The following TMEM154 variants were observed in gnomAD, a reference collection of about 807,000 sequenced individuals.
TMEM154 encodes the protein transmembrane protein 154.
A neutral mutation model predicts 24.5 loss-of-function variants in TMEM154; 27 were observed. That is an observed-to-expected ratio of 1.10 (90% CI 0.81 to 1.52). TMEM154 has a LOEUF of 1.52. TMEM154 is among the 40% of genes most tolerant of loss of function. The pLI, the probability that TMEM154 is intolerant of heterozygous loss-of-function variation, is 0.00. For missense variants in TMEM154, 228 were observed against 213.4 expected (o/e 1.07, Z -0.43); for synonymous variants, 67 against 76.8 (o/e 0.87, Z 0.67).
At chr4:152,675,206 G>A (rs1041122964) in intron 1 of TMEM154, among the ~76,000 whole-genome samples, 1 of 150,760 alleles carries the variant, frequency 6.6e-6, no homozygotes, top group African/African-American at 2.4e-5. Context: ...ATGACAAGCG[G>A]CAAGATTATG....
At chr4:152,642,999 T>C in intron 5 of TMEM154, 89 bp downstream of exon 5, 1 of 988,340 alleles carries the variant, frequency 1.0e-6, no homozygotes, top group Non-Finnish European at 1.6e-6. Flanking sequence ...TCTGTCTCAC[T>C]CCAGGATTTA....
chr4:152,628,556 C>G lies in TMEM154; in HGVS notation c.542G>C (p.Ser181Thr), dbSNP rs776338233. Residue 181 changes from serine to threonine, a missense_variant, in exon 7 of 7, where the codon AGT (serine) becomes ACT (threonine). By Grantham distance (58) the Ser-to-Thr change is moderately conservative. Coordinates refer to ENST00000304385, the MANE Select transcript of TMEM154 (RefSeq NM_152680.3). ...EKESNHNPSD[S>T]ES ...GAGCGCCATTCAGGTTTAGGATTCACTGTCACTGTAAAAAAAAAAAAAAAA... is the reference window on the plus strand; with the variant it reads ...GAGCGCCATTCAGGTTTAGGATTCAGTGTCACTGTAAAAAAAAAAAAAAAA... The G allele has an allele frequency of 2.0e-6, 1 of 498,698 alleles. No individual in the cohort carries two copies. The allele number at this position is 498,698 out of a possible 1,614,324, so 30.9% of individuals were successfully genotyped here.
intron 1 of TMEM154, among the ~76,000 whole-genome samples, chr4:152,656,117 C>T: frequency 6.6e-6 from 1 of 152,136 alleles, no homozygotes; most frequent in East Asian, 1.9e-4. Context: ...CAGCTACAGG[C>T]CTGGGGACTG....
chr4:152,662,173 T>C (rs1728625867), intron 1 of TMEM154, among the ~76,000 whole-genome samples: 1 of 151,882 alleles, frequency 6.6e-6, no homozygotes, highest in Admixed American at 6.6e-5. Flanking sequence ...AGTTCTACAG[T>C]GTATCTAAAA....
intron 1 of TMEM154, among the ~76,000 whole-genome samples, chr4:152,662,729 C>T (rs1462992080): frequency 1.3e-5 from 2 of 152,284 alleles, no homozygotes; most frequent in African/African-American, 2.4e-5. Context: ...GGCCCATAAT[C>T]GTCCATGGAG....
intron 1 of TMEM154, among the ~76,000 whole-genome samples, chr4:152,672,090 T>TA (rs11290618): frequency 0.016 from 1,676 of 101,748 alleles, 24 homozygotes; most frequent in African/African-American, 0.05. Flanking sequence ...CCTATCTCTA[T>TA]AAAAAAAAAA....
At chr4:152,651,699 C>T (rs983505130) in intron 3 of TMEM154, among the ~76,000 whole-genome samples, 2 of 152,236 alleles carry the variant, frequency 1.3e-5, no homozygotes, top group Non-Finnish European at 2.9e-5. Flanking sequence ...GCTTTCCTAT[C>T]ATTGTATGTT....
At chr4:152,672,090 TA>T (rs11290618) in intron 1 of TMEM154, among the ~76,000 whole-genome samples, 82,475 of 101,968 alleles carry the variant, frequency 0.81, 33,996 homozygotes, top group East Asian at 0.92. Context: ...CCTATCTCTA[TA>T]AAAAAAAAAA....
At chr4:152,647,445 G>T in intron 3 of TMEM154, 1 of 514,520 alleles carries the variant, frequency 1.9e-6, no homozygotes, top group Non-Finnish European at 2.5e-6. Flanking sequence ...CTGTGTTAAA[G>T]CATTGGCTGA....
intron 6 of TMEM154, among the ~76,000 whole-genome samples, chr4:152,634,051 A>AG (rs1352200192): frequency 1.3e-5 from 2 of 151,226 alleles, no homozygotes; most frequent in East Asian, 3.9e-4. Context: ...AAAAAAAAAA[A>AG]AAAAAAGAAA....
At chr4:152,661,134 T>C (rs534918785) in intron 1 of TMEM154, among the ~76,000 whole-genome samples, 37 of 152,228 alleles carry the variant, frequency 2.4e-4, no homozygotes, top group African/African-American at 8.2e-4. Context: ...TGGCCCTTGG[T>C]GGAACGGTGG....
chr4:152,635,548 TC>T lies in TMEM154; in HGVS notation c.536+5379del, dbSNP rs371570589. 4.7e-4 allele frequency among the ~76,000 whole-genome samples: 71 copies of T among 152,092 alleles called. 1 individual carries two copies. The South Asian group carries it at 0.013, about 28-fold the overall frequency. On this transcript the variant is annotated intron_variant, in intron 6 of 6. Transcript: ENST00000304385. ...AATAAATGTCTTTTGAAAACCTACA[TC>T]AAAAATTATACTTTCTCAAAAAATG...
At chr4:152,679,570 G>A (rs1013072390) in intron 1 of TMEM154, among the ~76,000 whole-genome samples, 2 of 151,882 alleles carry the variant, frequency 1.3e-5, no homozygotes, top group Non-Finnish European at 2.9e-5. Context: ...AAAGTTTATG[G>A]TTTTCTTAAT....
intron 5 of TMEM154, among the ~76,000 whole-genome samples, chr4:152,641,798 A>G (rs1231143681): frequency 1.3e-5 from 2 of 149,808 alleles, no homozygotes; most frequent in Non-Finnish European, 3.0e-5. Context: ...ATGGCTTTAC[A>G]GAGTCCTTCT....
At chr4:152,639,895 A>T (rs1274917813) in intron 6 of TMEM154, 1 of 152,890 alleles carries the variant, frequency 6.5e-6, no homozygotes, top group Non-Finnish European at 1.5e-5. Context: ...TTGGCATCAG[A>T]GCTGAGGTTT....
intron 1 of TMEM154, among the ~76,000 whole-genome samples, chr4:152,678,421 G>A (rs992167185): frequency 3.3e-5 from 5 of 151,932 alleles, no homozygotes; most frequent in African/African-American, 1.2e-4. Flanking sequence ...TGGCAGTGTT[G>A]TGCAATAGAA....
intron 6 of TMEM154, among the ~76,000 whole-genome samples, chr4:152,640,142 C>A (rs949514848): frequency 6.6e-6 from 1 of 152,116 alleles, no homozygotes; most frequent in South Asian, 2.1e-4. Flanking sequence ...ATTTATCCTG[C>A]CTGAAGGTTT....
At chr4:152,673,170 C>T (rs1167116972) in intron 1 of TMEM154, among the ~76,000 whole-genome samples, 5 of 152,108 alleles carry the variant, frequency 3.3e-5, no homozygotes, top group Admixed American at 3.3e-4. Context: ...TCAAACATGT[C>T]TATGTCCCTA....
intron 3 of TMEM154, among the ~76,000 whole-genome samples, chr4:152,645,452 A>C (rs1752342959): frequency 6.6e-6 from 1 of 152,208 alleles, no homozygotes. Flanking sequence ...AGTGGTGAGA[A>C]TTGGAGCCTG....
Sources: gnomAD v4.1 joint callset for allele counts (sites outside exome capture counted in the v4.1 genomes callset) on GRCh38, gnomAD v4.1.1 for gene constraint, MANE v1.5 for transcripts, NCBI Gene and HGNC (gene_info 2026-07-23, HGNC 2026-07-21) for gene names.